Variants in C3orf33 observed in about 807,000 individuals in gnomAD.
C3orf33 encodes AP-1 activity suppressor.
Under a neutral mutation model 28.7 loss-of-function variants are expected in C3orf33, and 23 were observed. The ratio of observed to expected loss-of-function variants is 0.80; its 90% CI spans 0.58 to 1.13. The LOEUF (loss-of-function observed/expected upper bound fraction) is 1.13. Ranked by LOEUF, C3orf33 falls within the 50% of genes most tolerant of loss-of-function variation. The probability of loss-of-function intolerance (pLI) is 0.00; values close to 1 mark genes in which losing one functional copy is unlikely to be tolerated. For missense variants in C3orf33, 327 were observed against 353.4 expected (o/e 0.93, Z 0.60); for synonymous variants, 119 against 120.5 (o/e 0.99, Z 0.08).
intron 4 of C3orf33, among the ~76,000 whole-genome samples, chr3:155,764,743 C>G (rs1202777120): frequency 6.6e-6 from 1 of 151,908 alleles, no homozygotes; most frequent in African/African-American, 2.4e-5. Flanking sequence ...GTAATCCCAG[C>G]CACTCAGAAG....
At chr3:155,775,607 G>A in intron 3 of C3orf33, 94 bp downstream of exon 3, 4 of 811,796 alleles carry the variant, frequency 4.9e-6, no homozygotes, top group South Asian at 2.6e-5. Flanking sequence ...AGAGTTATTA[G>A]GAATTAAAAT....
At chr3:155,764,722 G>A (rs929544848) in intron 4 of C3orf33, among the ~76,000 whole-genome samples, 4 of 151,892 alleles carry the variant, frequency 2.6e-5, no homozygotes, top group Non-Finnish European at 5.9e-5. Context: ...CGGGTGCGAT[G>A]GCAGGTGCCT....
chr3:155,788,002 T>C (rs1302989723), intron 2 of C3orf33, among the ~76,000 whole-genome samples: 1 of 150,992 alleles, frequency 6.6e-6, no homozygotes, highest in Non-Finnish European at 1.5e-5. Flanking sequence ...CCATCCTGGT[T>C]AACACGGTGA....
intron 2 of C3orf33, among the ~76,000 whole-genome samples, chr3:155,783,591 C>G (rs1172335935): frequency 6.6e-6 from 1 of 151,770 alleles, no homozygotes; most frequent in African/African-American, 2.4e-5. Context: ...CTCAGCCTAC[C>G]AAGTAGCTGG....
intron 2 of C3orf33, 48 bp downstream of exon 2, chr3:155,802,484 T>A (rs775070221): frequency 7.1e-7 from 1 of 1,418,134 alleles, no homozygotes. Flanking sequence ...GAAATGGAAA[T>A]AAACTACCTA....
chr3:155,765,384 G>A (rs572859221), intron 4 of C3orf33, among the ~76,000 whole-genome samples: 1 of 152,258 alleles, frequency 6.6e-6, no homozygotes, highest in East Asian at 1.9e-4. Context: ...GACACATGTT[G>A]ACCCTCAAAA....
chr3:155,766,695 T>C (rs1750411541), intron 4 of C3orf33, among the ~76,000 whole-genome samples: 1 of 152,226 alleles, frequency 6.6e-6, no homozygotes, highest in Admixed American at 6.5e-5. Context: ...ATGCCTGTAA[T>C]GCCAGCACTT....
chr3:155,777,950 G>C (rs1750798773), intron 2 of C3orf33, among the ~76,000 whole-genome samples: 1 of 151,962 alleles, frequency 6.6e-6, no homozygotes, highest in African/African-American at 2.4e-5. Flanking sequence ...AATAGATGGA[G>C]ACCATCCTGG....
chr3:155,798,577 AT>A (rs1751545960), intron 2 of C3orf33, among the ~76,000 whole-genome samples: 1 of 152,170 alleles, frequency 6.6e-6, no homozygotes, highest in Non-Finnish European at 1.5e-5. Flanking sequence ...ACGCAAAAGA[AT>A]GAAGCTAGAC....
rs187292575 is a variant in C3orf33, at chr3:155,800,075, G to A, written c.174+2457C>T. Among the ~76,000 whole-genome samples, 429 of 152,116 alleles carry A rather than the reference G, an allele frequency of 2.8e-3. 2 individuals are homozygous for A. The highest frequency in any genetic ancestry group is 8.6e-3 in the African/African-American group (356 of 41,514). ...TTAAAATAACTAAAGGAACATAATT[G>A]GATTGTTTGCAACACGAAAGAAGAA... On this transcript the variant is annotated intron_variant, in intron 2 of 4. Transcript: ENST00000340171.
At chr3:155,793,180 A>G (rs1197709586) in intron 2 of C3orf33, among the ~76,000 whole-genome samples, 1 of 151,148 alleles carries the variant, frequency 6.6e-6, no homozygotes, top group Non-Finnish European at 1.5e-5. Context: ...CATGGCATAA[A>G]GTGCTGAAGA....
chr3:155,769,501 A>AAAAAAG (rs1310949707), intron 3 of C3orf33, among the ~76,000 whole-genome samples: 1 of 149,260 alleles, frequency 6.7e-6, no homozygotes, highest in Admixed American at 7.0e-5. Context: ...AAAAAAAAAA[A>AAAAAAG]AAGAAGAAGA....
At chr3:155,805,997 C>T (rs1751797384) in intron 1 of C3orf33, 142 bp downstream of exon 1, 1 of 567,998 alleles carries the variant, frequency 1.8e-6, no homozygotes, top group South Asian at 3.4e-5. Context: ...CTCGCGATGT[C>T]GCCCTCTCGA....
chr3:155,802,432 A>G, intron 2 of C3orf33, 100 bp downstream of exon 2: 1 of 836,858 alleles, frequency 1.2e-6, no homozygotes, highest in African/African-American at 1.7e-5. Context: ...AGCTACCAAT[A>G]CGAGTAACAA....
At chr3:155,802,885 A>G (rs1158368948) in intron 1 of C3orf33, among the ~76,000 whole-genome samples, 2 of 152,052 alleles carry the variant, frequency 1.3e-5, no homozygotes, top group East Asian at 3.9e-4. Flanking sequence ...ACACACACAT[A>G]TACACACCCA....
intron 2 of C3orf33, among the ~76,000 whole-genome samples, chr3:155,785,845 T>C (rs937525380): frequency 1.3e-5 from 2 of 151,770 alleles, no homozygotes; most frequent in Non-Finnish European, 2.9e-5. Flanking sequence ...TTGAGACAAT[T>C]CTGGGCAACA....
intron 2 of C3orf33, among the ~76,000 whole-genome samples, chr3:155,787,116 A>T (rs546817686): frequency 6.0e-4 from 91 of 152,310 alleles, no homozygotes; most frequent in African/African-American, 2.0e-3. Flanking sequence ...CCAGACAAAG[A>T]CACTGCAAGA....
intron 3 of C3orf33, among the ~76,000 whole-genome samples, chr3:155,775,243 A>G (rs1230358695): frequency 6.6e-6 from 1 of 152,180 alleles, no homozygotes; most frequent in Non-Finnish European, 1.5e-5. Flanking sequence ...TAATCCCAGC[A>G]CTTTTGGAGG....
At chr3:155,775,564 A>T (rs1410800065) in intron 3 of C3orf33, 137 bp downstream of exon 3, 1 of 507,876 alleles carries the variant, frequency 2.0e-6, no homozygotes, top group African/African-American at 2.0e-5. Flanking sequence ...TTATATATAA[A>T]GCCAAGAATT....
Sources: allele counts gnomAD v4.1 joint callset (sites outside exome capture counted in the v4.1 genomes callset), GRCh38; gene constraint gnomAD v4.1.1; transcripts MANE v1.5; gene names NCBI Gene and HGNC (gene_info 2026-07-23, HGNC 2026-07-21).